The following SLC14A2 variants were observed in gnomAD, a reference collection of about 807,000 sequenced individuals.
The protein encoded by SLC14A2 is solute carrier family 14 member 2.
A neutral mutation model predicts 104.6 loss-of-function variants in SLC14A2; 91 were observed. The observed-to-expected ratio is 0.87, with a 90% confidence interval of 0.73 to 1.04. The LOEUF (loss-of-function observed/expected upper bound fraction) is 1.04. Among genes scored for constraint, SLC14A2 ranks in the 50% least tolerant of loss-of-function variants. SLC14A2 has a pLI of 0.00. For synonymous variants in SLC14A2, 476 were observed against 466.4 expected (o/e 1.02, Z -0.27); for missense variants, 1,189 against 1,156.0 (o/e 1.03, Z -0.41).
At chr18:45,590,587 T>C (rs941037146) in intron 2 of SLC14A2, among the ~76,000 whole-genome samples, 4 of 152,134 alleles carry the variant, frequency 2.6e-5, no homozygotes, top group African/African-American at 9.7e-5. Flanking sequence ...AGCGGGGCTC[T>C]CCTTTCCCAG....
the SLC14A2 span, among the ~76,000 whole-genome samples, chr18:45,178,340 TAATGA>T: frequency 6.6e-6 from 1 of 151,808 alleles, no homozygotes; most frequent in African/African-American, 2.4e-5. Context: ...GGAAGGAAAG[TAATGA>T]AATAAAAACA....
the SLC14A2 span, among the ~76,000 whole-genome samples, chr18:45,178,803 T>A: frequency 6.6e-6 from 1 of 152,160 alleles, no homozygotes; most frequent in Admixed American, 6.6e-5. Context: ...AACTTACACA[T>A]GAGAAATCCT....
At chr18:45,627,598 G>C (rs192943711) in intron 4 of SLC14A2, among the ~76,000 whole-genome samples, 1 of 152,338 alleles carries the variant, frequency 6.6e-6, no homozygotes, top group East Asian at 1.9e-4. Context: ...CGAGGAGAGA[G>C]AGGAGGACAG....
chr18:45,519,432 CAG>C lies in SLC14A2; in HGVS notation c.-35+36113_-35+36114del, dbSNP rs2043486559. Among the ~76,000 whole-genome samples the C allele has an allele frequency of 2.6e-5, 4 of 152,332 alleles. No homozygotes were observed. The South Asian group carries it at 8.3e-4, about 32-fold the overall frequency. ...AAATTATTCTTTATCTGCCCATTCACAGAGTCTCCAGTGTTGGTTTTGAACTT... is the reference window on the plus strand; with the variant it reads ...AAATTATTCTTTATCTGCCCATTCACAGTCTCCAGTGTTGGTTTTGAACTT... On this transcript the variant is annotated intron_variant, in intron 2 of 20. Coordinates refer to the SLC14A2 transcript ENST00000586448.
chr18:45,426,625 TA>T (rs1359852601), intron 1 of SLC14A2, among the ~76,000 whole-genome samples: 4 of 148,914 alleles, frequency 2.7e-5, no homozygotes, highest in Non-Finnish European at 5.9e-5. Flanking sequence ...TATACACATA[TA>T]TATACTATAT....
intron 1 of SLC14A2, among the ~76,000 whole-genome samples, chr18:45,350,446 C>G (rs2144304867): frequency 6.6e-6 from 1 of 152,290 alleles, no homozygotes; most frequent in Non-Finnish European, 1.5e-5. Flanking sequence ...GAAGAGGCCG[C>G]AGTTCAGTCT....
At chr18:45,642,032 G>A (rs1217225627) in intron 8 of SLC14A2, among the ~76,000 whole-genome samples, 1 of 152,162 alleles carries the variant, frequency 6.6e-6, no homozygotes, top group Non-Finnish European at 1.5e-5. Context: ...GAGGAAATGA[G>A]GCTCAGAGGG....
intron 2 of SLC14A2, chr18:45,489,992 AG>A (rs1446409609): frequency 2.0e-5 from 3 of 152,222 alleles, no homozygotes; most frequent in African/African-American, 7.2e-5. Flanking sequence ...GCACAAGAAT[AG>A]ACGGGCATTT....
chr18:45,222,952 G>A (rs987806278), intron 1 of SLC14A2, among the ~76,000 whole-genome samples: 2 of 152,140 alleles, frequency 1.3e-5, no homozygotes, highest in African/African-American at 2.4e-5. Flanking sequence ...GTCCTGTGCA[G>A]GGCCTCAGGC....
chr18:45,269,569 A>G (rs1373710786), intron 1 of SLC14A2, among the ~76,000 whole-genome samples: 2 of 151,468 alleles, frequency 1.3e-5, no homozygotes, highest in Non-Finnish European at 3.0e-5. Flanking sequence ...CCTTTGACTG[A>G]TGATGAAATA....
Position 45,668,603 on chromosome 18 carries a change from G to A in SLC14A2, c.2036+126G>A, listed in dbSNP as rs568336163. On this transcript the variant is annotated intron_variant, in intron 15 of 19. Transcript: ENST00000255226. Reference sequence around the variant, plus strand: ...TGTATTTAGCTTGCACATCAGAAATGTCCACTGGACTAATAACTAAGTTTA... The same window carrying A: ...TGTATTTAGCTTGCACATCAGAAATATCCACTGGACTAATAACTAAGTTTA... 191 of 1,053,858 alleles carry A rather than the reference G, an allele frequency of 1.8e-4. 5 individuals are homozygous for A. In the South Asian group the frequency reaches 2.8e-3, roughly 15 times the overall value. The allele number at this position is 1,053,858 out of a possible 1,614,324, so 65.3% of individuals were successfully genotyped here.
chr18:45,531,619 G>T (rs1172666332), intron 2 of SLC14A2, among the ~76,000 whole-genome samples: 4 of 152,138 alleles, frequency 2.6e-5, no homozygotes, highest in Non-Finnish European at 5.9e-5. Flanking sequence ...CAGATGAGTA[G>T]GTTGCAAACA....
At chr18:45,314,644 C>T (rs2085111029) in intron 1 of SLC14A2, among the ~76,000 whole-genome samples, 1 of 152,236 alleles carries the variant, frequency 6.6e-6, no homozygotes, top group African/African-American at 2.4e-5. Flanking sequence ...TCCTGACAAA[C>T]TTGCCCCACT....
intron 1 of SLC14A2, among the ~76,000 whole-genome samples, chr18:45,282,035 C>T (rs1193667138): frequency 1.3e-5 from 2 of 152,104 alleles, no homozygotes; most frequent in Non-Finnish European, 2.9e-5. Context: ...TGAATCTGTG[C>T]CTGGAATGCT....
intron 2 of SLC14A2, among the ~76,000 whole-genome samples, chr18:45,546,555 G>A (rs1414336482): frequency 1.3e-5 from 2 of 152,196 alleles, no homozygotes; most frequent in African/African-American, 4.8e-5. Context: ...CCCTAGCTAT[G>A]GAAAGGAAGC....
At chr18:45,662,128 C>A (rs1305358097) in intron 10 of SLC14A2, among the ~76,000 whole-genome samples, 2 of 152,168 alleles carry the variant, frequency 1.3e-5, no homozygotes, top group African/African-American at 4.8e-5. Context: ...GATGGTGAAA[C>A]CCTGTCTCTA....
At chr18:45,523,729 C>T (rs925896869) in intron 2 of SLC14A2, among the ~76,000 whole-genome samples, 4 of 152,096 alleles carry the variant, frequency 2.6e-5, no homozygotes, top group Non-Finnish European at 5.9e-5. Context: ...CCACCTGAGA[C>T]CTGCCTTTGC....
At chr18:45,390,142 G>A (rs1234092358) in intron 1 of SLC14A2, among the ~76,000 whole-genome samples, 1 of 152,150 alleles carries the variant, frequency 6.6e-6, no homozygotes, top group African/African-American at 2.4e-5. Flanking sequence ...CTGCCTGCAC[G>A]CAAGGCTGCA....
At chr18:45,428,921 CTCA>C in intron 1 of SLC14A2, among the ~76,000 whole-genome samples, 1 of 152,200 alleles carries the variant, frequency 6.6e-6, no homozygotes, top group Non-Finnish European at 1.5e-5. Flanking sequence ...ATCTGTTGTT[CTCA>C]TCAGAAGAAT....
Sources: gnomAD v4.1 joint callset for allele counts (sites outside exome capture counted in the v4.1 genomes callset) on GRCh38, gnomAD v4.1.1 for gene constraint, MANE v1.5 for transcripts, NCBI Gene and HGNC (gene_info 2026-07-23, HGNC 2026-07-21) for gene names.